IL1R1: variants seen among roughly 807,000 people sequenced by gnomAD.
IL1R1 encodes the protein interleukin-1 receptor type 1.
In IL1R1, 22 loss-of-function variants were observed where a neutral mutation model predicts 50.2. The observed-to-expected ratio is 0.44, with a 90% CI of 0.31 to 0.63. The LOEUF is 0.63. Ranked by LOEUF, IL1R1 falls within the 20% of genes least tolerant of loss-of-function variation. IL1R1 has a pLI of 0.07. For synonymous variants in IL1R1, 251 were observed against 236.7 expected, an observed-to-expected ratio of 1.06 and a Z score of -0.55; for missense variants, 509 against 676.2, an observed-to-expected ratio of 0.75 and a Z score of 2.74.
chr2:102,161,738 C>A (rs1445678423), intron 3 of IL1R1, among the ~76,000 whole-genome samples: 2 of 152,074 alleles, frequency 1.3e-5, no homozygotes, highest in African/African-American at 4.8e-5. Context: ...CTCTCTGTGT[C>A]ACCCAGGCTG....
At chr2:102,119,093 C>A (rs1318632659) in intron 1 of IL1R1, among the ~76,000 whole-genome samples, 1 of 150,268 alleles carries the variant, frequency 6.7e-6, no homozygotes, top group African/African-American at 2.4e-5. Context: ...TTAGATTACT[C>A]AAAATAAGCA....
intron 1 of IL1R1, among the ~76,000 whole-genome samples, chr2:102,150,677 G>A (rs573893381): frequency 7.9e-5 from 12 of 152,304 alleles, no homozygotes; most frequent in African/African-American, 2.6e-4. Flanking sequence ...GCCGTGGTGT[G>A]CTGCAGTGAA....
intron 1 of IL1R1, among the ~76,000 whole-genome samples, chr2:102,082,163 A>G (rs1305933878): frequency 6.6e-6 from 1 of 152,018 alleles, no homozygotes; most frequent in African/African-American, 2.4e-5. Context: ...CTTTATAACT[A>G]TCTTTGTCTC....
chr2:102,172,766 A>G lies in IL1R1; in HGVS notation c.919A>G (p.Lys307Glu), dbSNP rs760623507. 3 of 1,611,874 alleles carry G rather than the reference A, an allele frequency of 1.9e-6. No individual in the cohort carries two copies. The highest frequency in any genetic ancestry group is 2.7e-5 in the African/African-American group (2 of 74,888). Residue 307 changes from lysine (K) to glutamate (E), a missense_variant, in exon 9 of 12, where the codon AAA (lysine) becomes GAA (glutamate). Lys to Glu is a moderately conservative substitution (Grantham distance 56, BLOSUM62 1). Coordinates refer to ENST00000410023, the MANE Select transcript of IL1R1 (RefSeq NM_000877.4). ...ATCGGAAATTGAAAGTAGATTTTAT[A>G]AACATCCATTTACCTGTTTTGCCAA... ...NISEIESRFY[K>E]HPFTCFAKNT... is the part of the protein sequence containing the mutation.
intron 1 of IL1R1, among the ~76,000 whole-genome samples, chr2:102,136,807 CA>C (rs1420653752): frequency 2.6e-5 from 4 of 152,154 alleles, no homozygotes; most frequent in Non-Finnish European, 5.9e-5. Context: ...AATGATTAAG[CA>C]AATATGGCAC....
intron 1 of IL1R1, among the ~76,000 whole-genome samples, chr2:102,152,586 C>T (rs1365938188): frequency 1.4e-5 from 2 of 144,734 alleles, no homozygotes; most frequent in Non-Finnish European, 3.0e-5. Flanking sequence ...CTTCCTGGGC[C>T]TCCCAAATAA....
chr2:102,148,983 G>A (rs1683405484), intron 1 of IL1R1, among the ~76,000 whole-genome samples: 1 of 145,740 alleles, frequency 6.9e-6, no homozygotes, highest in Non-Finnish European at 1.5e-5. Context: ...CAAACAAACG[G>A]GTAACAGGAA....
chr2:102,134,881 G>GTTC (rs1333848337), intron 1 of IL1R1, among the ~76,000 whole-genome samples: 2 of 152,112 alleles, frequency 1.3e-5, no homozygotes, highest in Admixed American at 1.3e-4. Flanking sequence ...GAAAACCTGG[G>GTTC]TTCTGGGTGC....
chr2:102,137,109 C>G (rs1682387509), intron 1 of IL1R1, among the ~76,000 whole-genome samples: 1 of 152,158 alleles, frequency 6.6e-6, no homozygotes, highest in South Asian at 2.1e-4. Context: ...TAAGGAAGCC[C>G]TTTGTAATTG....
At chr2:102,148,978 A>C (rs1454378726) in intron 1 of IL1R1, among the ~76,000 whole-genome samples, 1 of 139,082 alleles carries the variant, frequency 7.2e-6, no homozygotes. Context: ...ACAAACAAAC[A>C]AACGGGTAAC....
At chr2:102,149,215 T>C (rs1300327279) in intron 1 of IL1R1, among the ~76,000 whole-genome samples, 1 of 152,244 alleles carries the variant, frequency 6.6e-6, no homozygotes, top group Non-Finnish European at 1.5e-5. Flanking sequence ...TCTACACATA[T>C]GCACATATTG....
intron 3 of IL1R1, 105 bp from the exon 4 acceptor site, chr2:102,164,669 G>A (rs1298501320): frequency 2.8e-6 from 2 of 714,988 alleles, no homozygotes; most frequent in East Asian, 2.7e-5. Context: ...TATATGTAAT[G>A]TGAATTGATG....
intron 3 of IL1R1, among the ~76,000 whole-genome samples, chr2:102,160,295 T>G (rs1325891539): frequency 1.3e-5 from 2 of 152,198 alleles, no homozygotes. Flanking sequence ...GGCTAAAGAT[T>G]TATCAATTTT....
At chr2:102,103,479 G>A (rs544034777), upstream of IL1R1, among the ~76,000 whole-genome samples, 1 of 152,256 alleles carries the variant, frequency 6.6e-6, no homozygotes, top group Admixed American at 6.5e-5. Flanking sequence ...GTCAGCAGGC[G>A]GCCCATCCAG....
intron 1 of IL1R1, among the ~76,000 whole-genome samples, chr2:102,113,708 C>T (rs1275424565): frequency 6.6e-6 from 1 of 152,214 alleles, no homozygotes; most frequent in East Asian, 1.9e-4. Context: ...TGACGCTCGG[C>T]CTCCTTGCCC....
chr2:102,107,890 G>T (rs1397206617), intron 1 of IL1R1, among the ~76,000 whole-genome samples: 1 of 152,162 alleles, frequency 6.6e-6, no homozygotes, highest in Non-Finnish European at 1.5e-5. Flanking sequence ...GAGAGCGAGA[G>T]AACTGGATGC....
chr2:102,175,890 A>G lies in IL1R1; in HGVS notation c.1303+245A>G, dbSNP rs534309690. 60 of 596,930 alleles carry G rather than the reference A, an allele frequency of 1.0e-4. 1 individual carries two copies. The highest frequency in any genetic ancestry group is 6.7e-4 in the Admixed American group (22 of 33,072). 37.0% of individuals were successfully genotyped at this position (596,930 alleles called of 1,614,324 possible). On this transcript the variant is annotated intron_variant, in intron 11 of 11. Transcript: ENST00000410023. ...AACTTAATGACTAGTTAAACCCAACAGTTGCTTTACAACTGATACAATTAA... is the reference window on the plus strand; with the variant it reads ...AACTTAATGACTAGTTAAACCCAACGGTTGCTTTACAACTGATACAATTAA...
upstream of IL1R1, among the ~76,000 whole-genome samples, chr2:102,141,612 CCGGGGG>C (rs1682650353): frequency 6.6e-6 from 1 of 152,172 alleles, no homozygotes; most frequent in South Asian, 2.1e-4. Context: ...CTGGATTTGT[CCGGGGG>C]CAGCTGAGGC....
intron 3 of IL1R1, 41 bp from the exon 4 acceptor site, chr2:102,164,733 G>A: frequency 7.1e-7 from 1 of 1,401,508 alleles, no homozygotes; most frequent in South Asian, 1.2e-5. Context: ...CACACTGGCA[G>A]ATTTTTATGT....
Sources: allele counts gnomAD v4.1 joint callset (sites outside exome capture counted in the v4.1 genomes callset), GRCh38; gene constraint gnomAD v4.1.1; transcripts MANE v1.5; gene names NCBI Gene and HGNC (gene_info 2026-07-23, HGNC 2026-07-21).